Variants in DZIP3 observed in about 807,000 individuals in gnomAD.
DZIP3 encodes the protein E3 ubiquitin-protein ligase DZIP3.
A neutral mutation model predicts 162.0 loss-of-function variants in DZIP3; 118 were observed. The observed-to-expected ratio is 0.73, with a 90% CI of 0.63 to 0.85. The LOEUF is 0.85. Among genes scored for constraint, DZIP3 ranks in the 40% least tolerant of loss-of-function variants. DZIP3 has a pLI of 0.00. For missense variants in DZIP3, 1,331 were observed against 1,407.0 expected (o/e 0.95, Z 0.86); for synonymous variants, 438 against 458.6 (o/e 0.96, Z 0.57).
chr3:108,668,602 C>A (rs138289452), intron 21 of DZIP3, among the ~76,000 whole-genome samples: 3 of 152,048 alleles, frequency 2.0e-5, no homozygotes, highest in East Asian at 3.9e-4. Context: ...TCAACTCTGT[C>A]AACATATTCC....
Position 108,664,442 on chromosome 3 carries a change from A to G in DZIP3, c.2423+2185A>G, listed in dbSNP as rs1473109956. 3.9e-5 allele frequency among the ~76,000 whole-genome samples: 6 copies of G among 152,152 alleles called. No individual in the cohort carries two copies. In the East Asian group the frequency reaches 5.8e-4, roughly 15 times the overall value. ...GTAGTAAGCAAGCAGCTGACTTCCA[A>G]GTTCCACTGGGGAGAAGGAGACAGT... On this transcript the variant is annotated intron_variant, in intron 21 of 32. Coordinates refer to ENST00000361582, the MANE Select transcript of DZIP3 (RefSeq NM_014648.4).
Position 108,644,443 on chromosome 3 carries a change from T to A in DZIP3, c.1421T>A (p.Ile474Lys). 17 of 1,614,068 alleles carry A rather than the reference T, an allele frequency of 1.1e-5. No individual in the cohort carries two copies. Among genetic ancestry groups the A allele is most frequent in the Non-Finnish European group, 1.4e-5 (16 of 1,179,978 alleles). The change falls in exon 14 of 33, where the codon ATA becomes AAA. Residue 474 changes from isoleucine to lysine, a missense_variant. By Grantham distance (102) the Ile-to-Lys change is moderately radical. Around this residue, in one of 2 missense-constraint regions of DZIP3, gnomAD observed 1,278 missense variants for 1,317.1 expected, o/e 0.97. Coordinates refer to ENST00000361582, the MANE Select transcript of DZIP3 (RefSeq NM_014648.4). ...QFDLCLLLAL[I>K]KHLNVFPAPK... is the part of the protein sequence containing the mutation. Reference sequence around the variant, plus strand: ...GACTTATGCCTCCTGTTAGCTCTTATAAAACATTTAAATGTGTTCCCTGCA... The same window carrying A: ...GACTTATGCCTCCTGTTAGCTCTTAAAAAACATTTAAATGTGTTCCCTGCA...
intron 5 of DZIP3, among the ~76,000 whole-genome samples, chr3:108,621,080 C>G (rs1466955163): frequency 6.6e-6 from 1 of 152,170 alleles, no homozygotes; most frequent in African/African-American, 2.4e-5. Context: ...CTCGGCCTCC[C>G]AAAGTGTTGG....
intron 17 of DZIP3, among the ~76,000 whole-genome samples, chr3:108,650,354 T>C (rs745437578): frequency 3.3e-5 from 5 of 151,744 alleles, no homozygotes; most frequent in Non-Finnish European, 7.4e-5. Flanking sequence ...AAATTGGTAC[T>C]GGATATTAAG....
intron 1 of DZIP3, among the ~76,000 whole-genome samples, chr3:108,591,251 G>A (rs1435818935): frequency 6.6e-6 from 1 of 152,312 alleles, no homozygotes; most frequent in East Asian, 1.9e-4. Flanking sequence ...GAGGAGAGGA[G>A]TAGAGATGAG....
At chr3:108,686,371 C>A (rs1442106493) in intron 27 of DZIP3, 74 bp from the exon 28 acceptor site, 8 of 1,371,962 alleles carry the variant, frequency 5.8e-6, no homozygotes, top group South Asian at 3.9e-5. Context: ...TTCATTGTAC[C>A]CATTTTCTGA....
chr3:108,592,889 C>T (rs988202348), intron 1 of DZIP3, among the ~76,000 whole-genome samples: 8 of 152,102 alleles, frequency 5.3e-5, no homozygotes, highest in Non-Finnish European at 1.0e-4. Context: ...CTCACCCCTT[C>T]CAGTATTTGT....
intron 5 of DZIP3, among the ~76,000 whole-genome samples, chr3:108,622,187 A>T (rs1400882162): frequency 6.6e-6 from 1 of 152,188 alleles, no homozygotes; most frequent in Non-Finnish European, 1.5e-5. Context: ...AAACAAGTGA[A>T]CTCAAAAAAA....
intron 29 of DZIP3, 54 bp downstream of exon 29, chr3:108,688,150 AGTT>A (rs1944560644): frequency 3.1e-6 from 5 of 1,595,122 alleles, no homozygotes; most frequent in Non-Finnish European, 3.4e-6. Flanking sequence ...TAACTCTAGT[AGTT>A]AACTGTTTTA....
intron 32 of DZIP3, 42 bp downstream of exon 32, chr3:108,690,945 A>G (rs1481789517): frequency 1.3e-6 from 2 of 1,537,598 alleles, no homozygotes; most frequent in Admixed American, 1.7e-5. Flanking sequence ...TTCTTTTATT[A>G]TGAGCTGCTT....
intron 1 of DZIP3, among the ~76,000 whole-genome samples, chr3:108,601,011 A>T (rs1939982660): frequency 6.6e-6 from 1 of 152,158 alleles, no homozygotes; most frequent in South Asian, 2.1e-4. Flanking sequence ...GGATATCTGC[A>T]TACTTTATGT....
At chr3:108,630,392 C>T (rs1350220397) in intron 8 of DZIP3, among the ~76,000 whole-genome samples, 1 of 151,782 alleles carries the variant, frequency 6.6e-6, no homozygotes, top group South Asian at 2.1e-4. Flanking sequence ...ATTCAATTAT[C>T]CAGGAAGATA....
intron 8 of DZIP3, among the ~76,000 whole-genome samples, chr3:108,630,200 G>A (rs1176155287): frequency 6.6e-6 from 1 of 151,854 alleles, no homozygotes; most frequent in Non-Finnish European, 1.5e-5. Flanking sequence ...AACCATTTGT[G>A]TCTTTTTAAT....
At chr3:108,689,335 C>G (rs1559789709) in intron 31 of DZIP3, among the ~76,000 whole-genome samples, 1 of 152,190 alleles carries the variant, frequency 6.6e-6, no homozygotes. Context: ...TAAGATTTAT[C>G]AGTCTCTTCA....
chr3:108,636,599 T>C lies in DZIP3; in HGVS notation c.919-17T>C, dbSNP rs1942158300. 2.7e-6 allele frequency: 4 copies of C among 1,484,506 alleles called. No homozygotes were observed. In the African/African-American group the frequency reaches 4.3e-5, roughly 16 times the overall value. 92.0% of individuals were successfully genotyped at this position (1,484,506 alleles called of 1,614,324 possible). On this transcript the variant is annotated splice_polypyrimidine_tract_variant and intron_variant, in intron 10 of 32. Transcript: ENST00000361582. ...TGATTTTTTTCTATTTTTATTTTTTTCTATTAATAAATTTAGAGTTTTAGT... is the reference window on the plus strand; with the variant it reads ...TGATTTTTTTCTATTTTTATTTTTTCCTATTAATAAATTTAGAGTTTTAGT...
intron 21 of DZIP3, among the ~76,000 whole-genome samples, chr3:108,668,305 G>A (rs886243575): frequency 1.2e-4 from 19 of 152,004 alleles, no homozygotes; most frequent in Non-Finnish European, 2.6e-4. Context: ...GAGAACTTTA[G>A]ATTTTTTAGA....
intron 4 of DZIP3, among the ~76,000 whole-genome samples, chr3:108,612,976 C>T (rs1940802321): frequency 1.3e-5 from 2 of 152,106 alleles, no homozygotes; most frequent in South Asian, 4.1e-4. Flanking sequence ...ATGAGAATAT[C>T]TGACCCCTGT....
At chr3:108,612,850 A>G (rs928777680) in intron 4 of DZIP3, among the ~76,000 whole-genome samples, 2 of 152,138 alleles carry the variant, frequency 1.3e-5, no homozygotes, top group Admixed American at 1.3e-4. Context: ...ACCTGTGGAT[A>G]TGGAGGGCAA....
At position 108,625,833 on chromosome 3, in the gene DZIP3, AT is replaced by A; in HGVS notation, c.457-11del. Reference sequence around the variant, plus strand: ...TTTTACAGTAGCCAAACCTAGTTTTATGTTACTACAGGATTATACAGAAGCT... The same window carrying A: ...TTTTACAGTAGCCAAACCTAGTTTTAGTTACTACAGGATTATACAGAAGCT... On this transcript the variant is annotated splice_polypyrimidine_tract_variant and intron_variant, in intron 6 of 32. Coordinates refer to ENST00000361582, the MANE Select transcript of DZIP3 (RefSeq NM_014648.4). 6.4e-7 allele frequency: 1 copy of A among 1,572,374 alleles called. No homozygotes were observed. The highest frequency in any genetic ancestry group is 8.6e-7 in the Non-Finnish European group (1 of 1,163,756).
Sources: allele counts gnomAD v4.1 joint callset (sites outside exome capture counted in the v4.1 genomes callset), GRCh38; gene constraint gnomAD v4.1.1; regional missense constraint gnomAD v4.1.1; transcripts MANE v1.5; gene names NCBI Gene and HGNC (gene_info 2026-07-23, HGNC 2026-07-21).